The following ITM2B variants were observed in gnomAD, a reference collection of about 807,000 sequenced individuals.
ITM2B encodes integral membrane protein 2B.
In ITM2B, 11 loss-of-function variants were observed where a neutral mutation model predicts 27.8. The ratio of observed to expected loss-of-function variants is 0.40; its 90% CI spans 0.25 to 0.66. ITM2B has a LOEUF of 0.66. ITM2B is among the 30% of genes least tolerant of loss of function. ITM2B has a pLI of 0.43. For synonymous variants in ITM2B, 114 were observed against 114.3 expected, an observed-to-expected ratio of 1.00 and a Z score of 0.02; for missense variants, 296 against 328.9, an observed-to-expected ratio of 0.90 and a Z score of 0.77.
chr13:48,245,339 G>A (rs1029944369), intron 1 of ITM2B, among the ~76,000 whole-genome samples: 1 of 151,342 alleles, frequency 6.6e-6, no homozygotes, highest in African/African-American at 2.4e-5. Flanking sequence ...AAAAAAAAAT[G>A]GTTACAGTTC....
In ITM2B at chr13:48,254,169, G is replaced by A. The variant is rs138256190; in HGVS notation, c.246+233G>A. Among the ~76,000 whole-genome samples the A allele has an allele frequency of 1.9e-3, 283 of 152,256 alleles. 5 individuals carry two copies. Among genetic ancestry groups the A allele is most frequent in the African/African-American group, 6.4e-3 (268 of 41,558 alleles). On this transcript the variant is annotated intron_variant, in intron 2 of 5. Transcript: ENST00000647800. The stretch of plus-strand genomic sequence containing the variant: ...AGTAACTTGAAATGTTGGTGACTAA[G>A]GGATTTATTTAGGTCATTGGGTGAT...
At position 48,253,818 on chromosome 13, in the gene ITM2B, A is replaced by T. The variant is rs768593758; in HGVS notation, c.128A>T (p.Asp43Val). 1.2e-6 allele frequency: 2 copies of T among 1,613,914 alleles called. No homozygotes were observed. The part of the protein sequence containing the change: ...AVAVDCKDPD[D>V]VVPVGQRRAW... ...TTTTTCATATTTTAGGACCCAGATG[A>T]TGTGGTACCAGTTGGCCAAAGAAGA... The change falls in exon 2 of 6, where the codon GAT becomes GTT. Residue 43 changes from aspartate (D) to valine (V), a missense_variant. Coordinates refer to ENST00000647800, the MANE Select transcript of ITM2B (RefSeq NM_021999.5).
chr13:48,260,013 G>A (rs139353963), intron 5 of ITM2B, among the ~76,000 whole-genome samples: 3,201 of 151,876 alleles, frequency 0.021, 113 homozygotes, highest in African/African-American at 0.072. Context: ...CCCACCTCCC[G>A]ACAGGCCCCA....
At chr13:48,257,337 A>C (rs1593396086) in intron 3 of ITM2B, among the ~76,000 whole-genome samples, 1 of 152,118 alleles carries the variant, frequency 6.6e-6, no homozygotes, top group Admixed American at 6.5e-5. Context: ...ACATTTCCCC[A>C]ATTTTTGTCC....
chr13:48,254,760 A>T (rs920919470), intron 2 of ITM2B: 3 of 152,242 alleles, frequency 2.0e-5, no homozygotes, highest in African/African-American at 7.2e-5. Context: ...ACATGTTGAT[A>T]GACATTACCA....
rs887559695 is a variant in ITM2B, at chr13:48,258,527, C to CA, written c.565-262dup. Among the ~76,000 whole-genome samples, 13 of 151,806 alleles carry CA rather than the reference C, an allele frequency of 8.6e-5. No individual in the cohort carries two copies. The South Asian group carries it at 2.1e-3, about 24-fold the overall frequency. On this transcript the variant is annotated intron_variant, in intron 4 of 5. Coordinates refer to ENST00000647800, the MANE Select transcript of ITM2B (RefSeq NM_021999.5). ...AAAACAGATGAACATGACTATATTCCAAAAAAAATTCTACTTATAAAAACA... is the reference window on the plus strand; with the variant it reads ...AAAACAGATGAACATGACTATATTCCAAAAAAAAATTCTACTTATAAAAACA...
At chr13:48,241,453 C>G (rs1951699626) in intron 1 of ITM2B, among the ~76,000 whole-genome samples, 1 of 152,162 alleles carries the variant, frequency 6.6e-6, no homozygotes, top group Non-Finnish European at 1.5e-5. Flanking sequence ...CTCAAGTGGT[C>G]CACCCACCTC....
intron 1 of ITM2B, 85 bp from the exon 2 acceptor site, chr13:48,253,723 G>T: frequency 7.5e-7 from 1 of 1,331,288 alleles, no homozygotes; most frequent in Non-Finnish European, 1.1e-6. Context: ...TTATTAAAAT[G>T]ATAATCATTA....
rs987626508 is a variant in ITM2B, at chr13:48,263,511, G to C, written c.*2287G>C. On this transcript the variant is annotated 3_prime_UTR_variant, in exon 6 of 6. Transcript: ENST00000647800. ...AAGATGACAGAGAATCAGACATGCA[G>C]AGAGGACTGCCAGGTCTCCCAGTGG... 14 of 152,266 alleles carry C rather than the reference G, an allele frequency of 9.2e-5. No individual in the cohort carries two copies. Among genetic ancestry groups the C allele is most frequent in the African/African-American group, 3.4e-4 (14 of 41,436 alleles). The allele number at this position is 152,266 out of a possible 1,614,324, so 9.4% of individuals were successfully genotyped here.
chr13:48,249,541 C>T (rs1310737728), intron 1 of ITM2B, among the ~76,000 whole-genome samples: 2 of 152,096 alleles, frequency 1.3e-5, no homozygotes, highest in East Asian at 3.8e-4. Context: ...CTTAGATTTT[C>T]TACATAGACA....
intron 1 of ITM2B, among the ~76,000 whole-genome samples, chr13:48,247,221 C>G (rs1393523490): frequency 6.6e-6 from 1 of 152,164 alleles, no homozygotes; most frequent in Non-Finnish European, 1.5e-5. Context: ...CCAAACAACA[C>G]ATCTGTGGGC....
intron 3 of ITM2B, among the ~76,000 whole-genome samples, chr13:48,256,814 C>T (rs896125021): frequency 1.3e-5 from 2 of 152,104 alleles, no homozygotes; most frequent in African/African-American, 2.4e-5. Context: ...CAAAATCCTC[C>T]ACTTTGTTCC....
Position 48,266,791 on chromosome 13 carries a change from A to G in ITM2B, c.*5567A>G, listed in dbSNP as rs1951855783. The G allele has an allele frequency of 6.6e-6, 1 of 152,100 alleles. No individual in the cohort carries two copies. The highest frequency in any genetic ancestry group is 2.4e-5 in the African/African-American group (1 of 41,420). 9.4% of individuals were successfully genotyped at this position (152,100 alleles called of 1,614,324 possible). ...AAGTTAGAGCCTCATTTTAAGTAAAATGTTCTGTGGGGGCCATATTAAGAT... is the reference window on the plus strand; with the variant it reads ...AAGTTAGAGCCTCATTTTAAGTAAAGTGTTCTGTGGGGGCCATATTAAGAT... On this transcript the variant is annotated 3_prime_UTR_variant, in exon 6 of 6. Coordinates refer to ENST00000647800, the MANE Select transcript of ITM2B (RefSeq NM_021999.5).
At chr13:48,260,484 A>G (rs1356509126) in intron 5 of ITM2B, among the ~76,000 whole-genome samples, 1 of 152,066 alleles carries the variant, frequency 6.6e-6, no homozygotes, top group African/African-American at 2.4e-5. Context: ...GCGTTCCCCA[A>G]TAGGTAGTTT....
In ITM2B at chr13:48,256,266, C is replaced by T. The variant is rs377585277; in HGVS notation, c.336C>T (p.Tyr112=). 9 of 1,613,298 alleles carry T rather than the reference C, an allele frequency of 5.6e-6. No individual in the cohort carries two copies. In the African/African-American group the frequency reaches 1.2e-4, roughly 22 times the overall value. Residue 112 remains tyrosine, a synonymous_variant, in exon 3 of 6, where the codon TAC becomes TAT. Coordinates refer to ENST00000647800, the MANE Select transcript of ITM2B (RefSeq NM_021999.5). Reference sequence around the variant, plus strand: ...CTGCAGATGCCCCAGCTGCTCTCTACCAGACAATTGAAGAAAATATTAAAA... The same window carrying T: ...CTGCAGATGCCCCAGCTGCTCTCTATCAGACAATTGAAGAAAATATTAAAA... ...EPSADAPAAL[Y]QTIEENIKIF...
chr13:48,241,480 G>A (rs144901826), intron 1 of ITM2B, among the ~76,000 whole-genome samples: 251 of 152,228 alleles, frequency 1.6e-3, no homozygotes, highest in African/African-American at 5.7e-3. Flanking sequence ...TCAAAGTGCT[G>A]GGATTACAGG....
chr13:48,261,103 T>C, intron 5 of ITM2B, 36 bp from the exon 6 acceptor site: 1 of 1,338,008 alleles, frequency 7.5e-7, no homozygotes, highest in Non-Finnish European at 1.1e-6. Context: ...TATTAAAGAA[T>C]CAAAATTTTA....
chr13:48,242,369 C>T (rs559744592), intron 1 of ITM2B, among the ~76,000 whole-genome samples: 1 of 152,134 alleles, frequency 6.6e-6, no homozygotes, highest in East Asian at 1.9e-4. Context: ...TGTCTTCAAA[C>T]TCACCAGGTA....
chr13:48,258,499 C>T (rs1951802894), intron 4 of ITM2B, among the ~76,000 whole-genome samples: 3 of 152,080 alleles, frequency 2.0e-5, no homozygotes, highest in Non-Finnish European at 2.9e-5. Context: ...ATAGACAATA[C>T]GTAAAACAGA....
Sources: gnomAD v4.1 joint callset for allele counts (sites outside exome capture counted in the v4.1 genomes callset) on GRCh38, gnomAD v4.1.1 for gene constraint, MANE v1.5 for transcripts, NCBI Gene and HGNC (gene_info 2026-07-23, HGNC 2026-07-21) for gene names.